Variants in JARID2 observed in about 807,000 individuals in gnomAD.
JARID2 encodes protein Jumonji.
A neutral mutation model predicts 125.6 loss-of-function variants in JARID2; 21 were observed. The ratio of observed to expected loss-of-function variants is 0.17; its 90% CI spans 0.12 to 0.24. JARID2 has a LOEUF of 0.24. Among genes scored for constraint, JARID2 ranks in the 10% least tolerant of loss-of-function variants. The pLI is 1.00. For missense variants in JARID2, 1,303 were observed against 1,639.6 expected (o/e 0.79, Z 3.55); for synonymous variants, 736 against 661.6 (o/e 1.11, Z -1.73).
At chr6:15,442,464 T>G (rs1427374387) in intron 3 of JARID2, among the ~76,000 whole-genome samples, 1 of 152,230 alleles carries the variant, frequency 6.6e-6, no homozygotes, top group African/African-American at 2.4e-5. Context: ...TTACTCTGAC[T>G]CTTACTGTCT....
chr6:15,416,030 C>T lies in JARID2; in HGVS notation c.323+5665C>T, dbSNP rs868095221. Among the ~76,000 whole-genome samples, 233 of 150,848 alleles carry T rather than the reference C, an allele frequency of 1.5e-3. 1 individual carries two copies. The Middle Eastern group carries it at 0.021, about 14-fold the overall frequency. On this transcript the variant is annotated intron_variant, in intron 3 of 17. Coordinates refer to ENST00000341776, the MANE Select transcript of JARID2 (RefSeq NM_004973.4). Reference sequence around the variant, plus strand: ...AGACGGGGTCATGGCCCGGTAGAGGCGCTCCTCACATCCCAGACGGGGCGG... The same window carrying T: ...AGACGGGGTCATGGCCCGGTAGAGGTGCTCCTCACATCCCAGACGGGGCGG...
rs954282632 is a variant in JARID2, at chr6:15,446,587, T to C, written c.324-5419T>C. Among the ~76,000 whole-genome samples the C allele has an allele frequency of 6.6e-5, 10 of 152,208 alleles. 1 individual carries two copies. The highest frequency in any genetic ancestry group is 1.9e-4 in the African/African-American group (8 of 41,458). On this transcript the variant is annotated intron_variant, in intron 3 of 17. Transcript: ENST00000341776. Reference sequence around the variant, plus strand: ...ACCATTCCTGCAATCCCTACCTTTGTCTTAGGCCATTTGTTGCCACATAAA... The same window carrying C: ...ACCATTCCTGCAATCCCTACCTTTGCCTTAGGCCATTTGTTGCCACATAAA...
intron 1 of JARID2, among the ~76,000 whole-genome samples, chr6:15,350,576 G>T (rs1763388235): frequency 1.3e-5 from 2 of 152,216 alleles, no homozygotes; most frequent in East Asian, 1.9e-4. Flanking sequence ...CAGTCACCTT[G>T]TTCTCATAGC....
chr6:15,377,888 CT>C (rs71772091), intron 2 of JARID2, among the ~76,000 whole-genome samples: 35 of 144,838 alleles, frequency 2.4e-4, no homozygotes, highest in Non-Finnish European at 2.9e-4. Context: ...TTTTCTTCTT[CT>C]TTTTTTTTTT....
chr6:15,398,423 T>C (rs1449804602), intron 2 of JARID2, among the ~76,000 whole-genome samples: 2 of 152,248 alleles, frequency 1.3e-5, no homozygotes, highest in Admixed American at 1.3e-4. Context: ...TGTGTTGTTA[T>C]TCCTAAATTG....
At chr6:15,366,337 A>G (rs1012726903) in intron 1 of JARID2, among the ~76,000 whole-genome samples, 3 of 151,732 alleles carry the variant, frequency 2.0e-5, no homozygotes, top group Admixed American at 6.6e-5. Flanking sequence ...TTCATTTGCT[A>G]TTCAGCTCTG....
chr6:15,379,829 T>C (rs1764509689), intron 2 of JARID2, among the ~76,000 whole-genome samples: 1 of 152,204 alleles, frequency 6.6e-6, no homozygotes, highest in Non-Finnish European at 1.5e-5. Context: ...CATGAGGATA[T>C]AAGACCAGGC....
intron 2 of JARID2, among the ~76,000 whole-genome samples, chr6:15,384,930 C>G (rs998418638): frequency 6.6e-6 from 1 of 152,218 alleles, no homozygotes; most frequent in South Asian, 2.1e-4. Context: ...TACTACTGCT[C>G]CTGTTCCACG....
intron 3 of JARID2, among the ~76,000 whole-genome samples, chr6:15,415,284 C>T (rs1273086361): frequency 2.0e-5 from 3 of 152,212 alleles, no homozygotes; most frequent in Non-Finnish European, 2.9e-5. Context: ...TTCTATTCCA[C>T]AAAACCGCCA....
rs529764684 is a variant in JARID2 at position 15,450,362 on chromosome 6, G to T, written c.324-1644G>T. On this transcript the variant is annotated intron_variant, in intron 3 of 17. Transcript: ENST00000341776. ...TTTTTGTATTTTTAGTAGAGACGGG[G>T]TTTCACCACCTTGGCCAGGCTGGTC... 6.6e-5 allele frequency among the ~76,000 whole-genome samples: 10 copies of T among 152,178 alleles called. No homozygotes were observed. The East Asian group carries it at 1.2e-3, about 18-fold the overall frequency.
intron 3 of JARID2, among the ~76,000 whole-genome samples, chr6:15,411,902 TAAG>T (rs549746185): frequency 4.6e-5 from 7 of 152,314 alleles, no homozygotes; most frequent in Non-Finnish European, 8.8e-5. Context: ...GCTTCATTCT[TAAG>T]GAGGAGGGAC....
intron 1 of JARID2, among the ~76,000 whole-genome samples, chr6:15,316,692 G>A (rs1460652492): frequency 2.0e-5 from 3 of 152,010 alleles, no homozygotes; most frequent in Non-Finnish European, 2.9e-5. Flanking sequence ...TAGTAGAGAC[G>A]GGGTTTCACC....
chr6:15,506,645 C>G (rs979345521), intron 9 of JARID2, among the ~76,000 whole-genome samples: 2 of 152,286 alleles, frequency 1.3e-5, no homozygotes, highest in South Asian at 2.1e-4. Flanking sequence ...TGCCTGTAGT[C>G]AAAGCATGTT....
At chr6:15,439,399 T>TC in intron 3 of JARID2, among the ~76,000 whole-genome samples, 1 of 152,320 alleles carries the variant, frequency 6.6e-6, no homozygotes, top group East Asian at 1.9e-4. Flanking sequence ...ATACTTTTGA[T>TC]CACCCTTCCC....
chr6:15,462,056 G>A (rs1768478079), intron 4 of JARID2, among the ~76,000 whole-genome samples: 1 of 152,128 alleles, frequency 6.6e-6, no homozygotes, highest in African/African-American at 2.4e-5. Context: ...TACCAGAAAG[G>A]ACATTAAGTG....
intron 3 of JARID2, among the ~76,000 whole-genome samples, chr6:15,432,507 G>A (rs1054059727): frequency 1.3e-5 from 2 of 152,190 alleles, no homozygotes; most frequent in African/African-American, 4.8e-5. Flanking sequence ...CAGACTGGGA[G>A]TGGGCTCGAA....
chr6:15,330,806 T>G (rs1338929336), intron 1 of JARID2, among the ~76,000 whole-genome samples: 1 of 152,156 alleles, frequency 6.6e-6, no homozygotes, highest in African/African-American at 2.4e-5. Context: ...ATCAAAAGCT[T>G]TCTCAAAAAA....
chr6:15,346,858 C>T (rs572083106), intron 1 of JARID2, among the ~76,000 whole-genome samples: 11 of 151,976 alleles, frequency 7.2e-5, no homozygotes, highest in African/African-American at 2.2e-4. Context: ...TCCTCTGCCT[C>T]CCAAGTAGCT....
chr6:15,452,291 T>A, intron 4 of JARID2, 116 bp downstream of exon 4: 3 of 1,395,034 alleles, frequency 2.2e-6, no homozygotes, highest in Admixed American at 2.7e-5. Flanking sequence ...GTCCCCAACC[T>A]GGGTTGAGGG....
Sources: gnomAD v4.1 joint callset for allele counts (sites outside exome capture counted in the v4.1 genomes callset) on GRCh38, gnomAD v4.1.1 for gene constraint, MANE v1.5 for transcripts, NCBI Gene and HGNC (gene_info 2026-07-23, HGNC 2026-07-21) for gene names.